CNTN5: variants seen among roughly 807,000 people sequenced by gnomAD.
The protein encoded by CNTN5 is contactin 5.
A neutral mutation model predicts 129.1 loss-of-function variants in CNTN5; 77 were observed. The observed-to-expected ratio is 0.60, with a 90% confidence interval of 0.50 to 0.72. The LOEUF (loss-of-function observed/expected upper bound fraction) is 0.72, where lower values mean the gene tolerates loss of function less well. Among genes scored for constraint, CNTN5 ranks in the 30% least tolerant of loss-of-function variants. The pLI is 0.00. For synonymous variants in CNTN5, 509 were observed against 465.6 expected (o/e 1.09, Z -1.20); for missense variants, 1,478 against 1,328.8 (o/e 1.11, Z -1.75).
intron 7 of CNTN5, among the ~76,000 whole-genome samples, chr11:99,954,400 C>G (rs1950748612): frequency 6.6e-6 from 1 of 152,072 alleles, no homozygotes; most frequent in Admixed American, 6.6e-5. Flanking sequence ...AGTTGACCAA[C>G]TAATCTCAAT....
intron 16 of CNTN5, among the ~76,000 whole-genome samples, chr11:100,244,162 A>G (rs146451417): frequency 2.0e-5 from 3 of 152,182 alleles, no homozygotes; most frequent in East Asian, 3.9e-4. Context: ...CTACACCTTT[A>G]TGGACTCTTG....
intron 2 of CNTN5, among the ~76,000 whole-genome samples, chr11:99,438,849 C>T (rs898188218): frequency 8.5e-5 from 13 of 152,138 alleles, no homozygotes; most frequent in South Asian, 4.1e-4. Flanking sequence ...CATTAAATGG[C>T]CTGCTTCAGG....
At chr11:100,240,943 G>A (rs573781888) in intron 16 of CNTN5, among the ~76,000 whole-genome samples, 1 of 152,248 alleles carries the variant, frequency 6.6e-6, no homozygotes, top group South Asian at 2.1e-4. Flanking sequence ...AAATGTAAAA[G>A]TCCATATAGC....
chr11:99,278,642 A>T (rs1179894761), intron 1 of CNTN5, among the ~76,000 whole-genome samples: 2 of 151,658 alleles, frequency 1.3e-5, no homozygotes, highest in African/African-American at 4.8e-5. Flanking sequence ...TGGAAGAGTC[A>T]TATCACAAAA....
rs184483841 is a variant in CNTN5 at position 99,171,374 on chromosome 11, G to A, written c.-210+150104G>A. 7.9e-5 allele frequency among the ~76,000 whole-genome samples: 12 copies of A among 152,286 alleles called. No homozygotes were observed. The East Asian group carries it at 2.3e-3, about 29-fold the overall frequency. On this transcript the variant is annotated intron_variant, in intron 1 of 24. Coordinates refer to ENST00000524871, the MANE Select transcript of CNTN5 (RefSeq NM_014361.4). ...ACTGCCTAATTTTGCTTCGCAGATT[G>A]CTTATATTCTTCTAAATCTTTTCTG...
At chr11:99,630,136 C>T (rs1951285527) in intron 3 of CNTN5, among the ~76,000 whole-genome samples, 1 of 151,334 alleles carries the variant, frequency 6.6e-6, no homozygotes. Flanking sequence ...TAAAATAATT[C>T]ATTAAAAATA....
chr11:99,959,513 A>G (rs1950887312), intron 8 of CNTN5, among the ~76,000 whole-genome samples: 1 of 152,192 alleles, frequency 6.6e-6, no homozygotes, highest in South Asian at 2.1e-4. Context: ...TACTATTGAG[A>G]ATCATTCCCT....
rs1215732587 is a variant in CNTN5 at position 100,291,117 on chromosome 11, G to A, written c.2315-6508G>A. Reference sequence around the variant, plus strand: ...AAAAAGTCAGGAAACAACAGGTGCTGGAGAGGATGTGGAGAAATAGGAACA... The same window carrying A: ...AAAAAGTCAGGAAACAACAGGTGCTAGAGAGGATGTGGAGAAATAGGAACA... On this transcript the variant is annotated intron_variant, in intron 18 of 24. Coordinates refer to ENST00000524871, the MANE Select transcript of CNTN5 (RefSeq NM_014361.4). 8.1e-5 allele frequency among the ~76,000 whole-genome samples: 12 copies of A among 149,032 alleles called. No individual in the cohort carries two copies. In the South Asian group the frequency reaches 2.1e-3, roughly 27 times the overall value.
chr11:100,176,625 T>C (rs1406267906), intron 13 of CNTN5, among the ~76,000 whole-genome samples: 1 of 151,996 alleles, frequency 6.6e-6, no homozygotes, highest in African/African-American at 2.4e-5. Context: ...CAGTGATAAA[T>C]AGTTAGGAAT....
At chr11:99,961,206 G>GAGAA (rs1555167359) in intron 8 of CNTN5, among the ~76,000 whole-genome samples, 19,476 of 95,482 alleles carry the variant, frequency 0.2, 2,144 homozygotes, top group African/African-American at 0.3. Context: ...CTCCGTCTCA[G>GAGAA]AAAAAAAAAA....
At chr11:99,328,042 G>T (rs943968144) in intron 2 of CNTN5, among the ~76,000 whole-genome samples, 1 of 152,182 alleles carries the variant, frequency 6.6e-6, no homozygotes, top group South Asian at 2.1e-4. Flanking sequence ...CTCTTAGAGA[G>T]TATTACAGTT....
chr11:99,236,328 A>G (rs570011090), intron 1 of CNTN5, among the ~76,000 whole-genome samples: 2 of 152,258 alleles, frequency 1.3e-5, no homozygotes, highest in African/African-American at 4.8e-5. Flanking sequence ...CAATGTATAG[A>G]TAAGTTTTAT....
chr11:99,468,607 T>C (rs1338618542), intron 2 of CNTN5, among the ~76,000 whole-genome samples: 2 of 151,716 alleles, frequency 1.3e-5, no homozygotes, highest in Non-Finnish European at 2.9e-5. Flanking sequence ...ATTCTTTCCA[T>C]CTTCCAAGTT....
chr11:100,192,089 C>T (rs1306807936), intron 14 of CNTN5, among the ~76,000 whole-genome samples: 1 of 151,922 alleles, frequency 6.6e-6, no homozygotes, highest in Non-Finnish European at 1.5e-5. Context: ...GAAGAGAGAA[C>T]ATCAAGAAAG....
At chr11:99,786,006 G>A (rs1291337737) in intron 3 of CNTN5, among the ~76,000 whole-genome samples, 1 of 151,892 alleles carries the variant, frequency 6.6e-6, no homozygotes, top group Non-Finnish European at 1.5e-5. Context: ...TTTGGCAAGG[G>A]CAATCAGGCA....
intron 2 of CNTN5, among the ~76,000 whole-genome samples, chr11:99,415,211 C>T (rs536401921): frequency 3.7e-4 from 56 of 152,198 alleles, no homozygotes; most frequent in African/African-American, 1.3e-3. Context: ...TTTTACACAA[C>T]ACGTTGAACC....
intron 3 of CNTN5, among the ~76,000 whole-genome samples, chr11:99,653,737 AT>A (rs1952243577): frequency 6.6e-6 from 1 of 152,136 alleles, no homozygotes; most frequent in Non-Finnish European, 1.5e-5. Context: ...GCTTGAGTTA[AT>A]TAAATGAGCT....
At chr11:99,952,602 G>A (rs1388184553) in intron 7 of CNTN5, among the ~76,000 whole-genome samples, 1 of 152,096 alleles carries the variant, frequency 6.6e-6, no homozygotes, top group Non-Finnish European at 1.5e-5. Flanking sequence ...CACAGTCACA[G>A]CTTATGGCAA....
intron 1 of CNTN5, among the ~76,000 whole-genome samples, chr11:99,257,995 A>T (rs182872234): frequency 1.3e-5 from 2 of 152,190 alleles, no homozygotes; most frequent in Admixed American, 6.6e-5. Context: ...ATTTAGTGAG[A>T]TGAAATTCCT....
Sources: allele counts gnomAD v4.1 joint callset (sites outside exome capture counted in the v4.1 genomes callset), GRCh38; gene constraint gnomAD v4.1.1; transcripts MANE v1.5; gene names NCBI Gene and HGNC (gene_info 2026-07-23, HGNC 2026-07-21).